Variants in GRAMD1C observed in about 807,000 individuals in gnomAD.
GRAMD1C encodes the protein protein Aster-C.
Under a neutral mutation model 97.8 loss-of-function variants are expected in GRAMD1C, and 89 were observed. That is an observed-to-expected ratio of 0.91 (90% CI 0.77 to 1.09). The LOEUF (loss-of-function observed/expected upper bound fraction) is 1.09, where lower values mean the gene tolerates loss of function less well. Ranked by LOEUF, GRAMD1C falls within the 50% of genes least tolerant of loss-of-function variation. The pLI is 0.00. For synonymous variants in GRAMD1C, 256 were observed against 267.0 expected (o/e 0.96, Z 0.40); for missense variants, 740 against 766.4 (o/e 0.97, Z 0.41).
At chr3:113,925,225 C>T (rs1177400729) in intron 10 of GRAMD1C, among the ~76,000 whole-genome samples, 3 of 152,196 alleles carry the variant, frequency 2.0e-5, no homozygotes, top group Non-Finnish European at 4.4e-5. Context: ...CACGGGGGCT[C>T]ACGCCTGTAA....
chr3:113,931,254 G>A (rs1367956893), intron 11 of GRAMD1C, among the ~76,000 whole-genome samples: 4 of 152,122 alleles, frequency 2.6e-5, no homozygotes, highest in South Asian at 4.1e-4. Flanking sequence ...AGGTAATATG[G>A]GACAGAGGAC....
At chr3:113,892,189 T>C (rs548955516) in intron 6 of GRAMD1C, among the ~76,000 whole-genome samples, 1 of 152,150 alleles carries the variant, frequency 6.6e-6, no homozygotes, top group Admixed American at 6.5e-5. Context: ...AAGACTGCTT[T>C]GGGCCAGGTG....
chr3:113,852,548 T>C (rs1287254344), intron 2 of GRAMD1C, among the ~76,000 whole-genome samples: 1 of 152,102 alleles, frequency 6.6e-6, no homozygotes, highest in Non-Finnish European at 1.5e-5. Context: ...ATGAAATGTT[T>C]CAAACTTTTT....
chr3:113,848,137 GAT>G (rs1162918672), intron 2 of GRAMD1C, among the ~76,000 whole-genome samples: 1 of 152,248 alleles, frequency 6.6e-6, no homozygotes, highest in Non-Finnish European at 1.5e-5. Flanking sequence ...AGGGCAGCAT[GAT>G]ATAATTGAAC....
chr3:113,939,743 T>C (rs1182200233), intron 15 of GRAMD1C, 143 bp from the exon 16 acceptor site: 1 of 547,906 alleles, frequency 1.8e-6, no homozygotes, highest in Non-Finnish European at 3.3e-6. Flanking sequence ...TATAATAAAA[T>C]AGGGATAATT....
At chr3:113,891,930 G>C (rs1935742807) in intron 6 of GRAMD1C, among the ~76,000 whole-genome samples, 1 of 151,558 alleles carries the variant, frequency 6.6e-6, no homozygotes, top group South Asian at 2.1e-4. Context: ...TGTGTTGCAT[G>C]TAATTATGGA....
At chr3:113,928,590 C>G (rs1004045143) in intron 10 of GRAMD1C, among the ~76,000 whole-genome samples, 1 of 152,324 alleles carries the variant, frequency 6.6e-6, no homozygotes, top group East Asian at 1.9e-4. Context: ...ACTTTTTAAT[C>G]TTTCCAAACT....
At chr3:113,899,203 A>T (rs1936051010) in intron 6 of GRAMD1C, among the ~76,000 whole-genome samples, 1 of 152,114 alleles carries the variant, frequency 6.6e-6, no homozygotes, top group Admixed American at 6.5e-5. Flanking sequence ...AATGTTACTT[A>T]TGTTCATGTA....
intron 2 of GRAMD1C, among the ~76,000 whole-genome samples, chr3:113,865,010 T>C (rs1452967692): frequency 6.6e-6 from 1 of 152,290 alleles, no homozygotes; most frequent in East Asian, 1.9e-4. Context: ...AGAAAGGAGA[T>C]TTATTTGGCT....
intron 13 of GRAMD1C, among the ~76,000 whole-genome samples, chr3:113,936,047 C>T (rs1173545307): frequency 6.6e-6 from 1 of 152,028 alleles, no homozygotes; most frequent in Non-Finnish European, 1.5e-5. Context: ...CTGATGAGCC[C>T]ATCATTTATT....
intron 10 of GRAMD1C, among the ~76,000 whole-genome samples, chr3:113,921,020 A>G (rs543913163): frequency 1.3e-5 from 2 of 152,298 alleles, no homozygotes; most frequent in East Asian, 1.9e-4. Flanking sequence ...CCAGGTAATA[A>G]GCATGGTACC....
At position 113,947,050 on chromosome 3, in the gene GRAMD1C, C is replaced by T. The variant is rs1187042728; in HGVS notation, c.*1572C>T. 1 of 152,104 alleles carries T rather than the reference C, an allele frequency of 6.6e-6. No individual in the cohort carries two copies. The highest frequency in any genetic ancestry group is 2.4e-5 in the African/African-American group (1 of 41,390). 9.4% of individuals were successfully genotyped at this position (152,104 alleles called of 1,614,324 possible). On this transcript the variant is annotated 3_prime_UTR_variant, in exon 18 of 18. Coordinates refer to ENST00000358160, the MANE Select transcript of GRAMD1C (RefSeq NM_017577.5). ...AAACGTTGTATTTTATAACATACTT[C>T]AAGGAAGAGTATCGAAGTAAGTTGC... is the stretch of plus-strand genomic sequence containing the variant.
At position 113,839,075 on chromosome 3, in the gene GRAMD1C, A is replaced by G. The variant is rs139373676; in HGVS notation, c.27+139A>G. 9.2e-4 allele frequency: 520 copies of G among 567,052 alleles called. 4 individuals are homozygous for G. The East Asian group carries it at 0.018, about 20-fold the overall frequency. The allele number at this position is 567,052 out of a possible 1,614,324, so 35.1% of individuals were successfully genotyped here. ...TTCGTGCTCTTTGGAGTAATACGGAAAGTTGTTACCGAGGAAACGGTTTCC... is the reference window on the plus strand; with the variant it reads ...TTCGTGCTCTTTGGAGTAATACGGAGAGTTGTTACCGAGGAAACGGTTTCC... On this transcript the variant is annotated intron_variant, in intron 1 of 17. Coordinates refer to ENST00000358160, the MANE Select transcript of GRAMD1C (RefSeq NM_017577.5).
At position 113,911,696 on chromosome 3, in the gene GRAMD1C, TTTCC is replaced by T. The variant is rs773332639; in HGVS notation, c.952+2607_952+2610del. On this transcript the variant is annotated intron_variant, in intron 9 of 17. Coordinates refer to ENST00000358160, the MANE Select transcript of GRAMD1C (RefSeq NM_017577.5). Reference sequence around the variant, plus strand: ...CTCTCTCTCTTTCTCTCTCTGTTTCTTTCCTTCCTTCCTTCCTTCCTTCCTTCCT... The same window carrying T: ...CTCTCTCTCTTTCTCTCTCTGTTTCTTTCCTTCCTTCCTTCCTTCCTTCCT... 3.5e-3 allele frequency among the ~76,000 whole-genome samples: 272 copies of T among 78,826 alleles called. 5 individuals are homozygous for T. Among genetic ancestry groups the T allele is most frequent in the African/African-American group, 0.012 (264 of 22,796 alleles). The allele number at this position is 78,826 out of a possible 152,430, so 51.7% of individuals were successfully genotyped here.
chr3:113,899,221 T>C (rs1559802188), intron 6 of GRAMD1C, among the ~76,000 whole-genome samples: 2 of 152,224 alleles, frequency 1.3e-5, no homozygotes, highest in Non-Finnish European at 2.9e-5. Context: ...GTATTTATTC[T>C]GTATTTTTAG....
intron 6 of GRAMD1C, chr3:113,885,555 C>T (rs534780376): frequency 6.3e-7 from 1 of 1,581,280 alleles, no homozygotes; most frequent in East Asian, 2.2e-5. Flanking sequence ...CGCAGTCCGG[C>T]CTGTTAGGCC....
rs754625284 is a variant in GRAMD1C at position 113,936,424 on chromosome 3, G to T, written c.1615G>T (p.Ala539Ser). The T allele has an allele frequency of 3.1e-6, 5 of 1,607,966 alleles. No homozygotes were observed. Among genetic ancestry groups the T allele is most frequent in the Non-Finnish European group, 4.2e-6 (5 of 1,176,918 alleles). ...QHSSGDVGLG[A>S]KGDITGKKKE... is the part of the protein sequence containing the mutation. Reference sequence around the variant, plus strand: ...TTCCTCTGGAGATGTGGGCTTAGGTGCCAAAGGGGATATTACAGGTAGTTG... The same window carrying T: ...TTCCTCTGGAGATGTGGGCTTAGGTTCCAAAGGGGATATTACAGGTAGTTG... The change falls in exon 14 of 18, where the codon GCC becomes TCC. Residue 539 changes from alanine to serine, a missense_variant. Transcript: ENST00000358160.
chr3:113,890,755 C>G, intron 6 of GRAMD1C: 2 of 699,988 alleles, frequency 2.9e-6, no homozygotes, highest in Non-Finnish European at 5.2e-6. Context: ...GCTTATCACA[C>G]ACATGTGAGT....
chr3:113,855,594 A>G (rs1362962763), intron 2 of GRAMD1C, among the ~76,000 whole-genome samples: 1 of 151,780 alleles, frequency 6.6e-6, no homozygotes, highest in African/African-American at 2.4e-5. Context: ...AATCCCAGCT[A>G]CTTGGAAGGC....
Sources: gnomAD v4.1 joint callset for allele counts (sites outside exome capture counted in the v4.1 genomes callset) on GRCh38, gnomAD v4.1.1 for gene constraint, MANE v1.5 for transcripts, NCBI Gene and HGNC (gene_info 2026-07-23, HGNC 2026-07-21) for gene names.